The following DPP10 variants were observed in gnomAD, a reference collection of about 807,000 sequenced individuals.
DPP10 encodes the protein dipeptidyl peptidase like 10.
Under a neutral mutation model 120.9 loss-of-function variants are expected in DPP10, and 33 were observed. That is an observed-to-expected ratio of 0.27 (90% confidence interval 0.21 to 0.37). The LOEUF is 0.37. Among genes scored for constraint, DPP10 ranks in the 10% least tolerant of loss-of-function variants. DPP10 has a pLI of 1.00. For synonymous variants in DPP10, 337 were observed against 326.1 expected (o/e 1.03, Z -0.36); for missense variants, 816 against 942.8 (o/e 0.87, Z 1.76).
intron 1 of DPP10, among the ~76,000 whole-genome samples, chr2:114,502,775 C>T (rs990938211): frequency 3.3e-5 from 5 of 152,162 alleles, no homozygotes; most frequent in African/African-American, 1.2e-4. Flanking sequence ...TTCAGACATC[C>T]TTGGGAGGGT....
intron 1 of DPP10, among the ~76,000 whole-genome samples, chr2:114,445,913 C>A (rs1477363230): frequency 6.6e-6 from 1 of 152,106 alleles, no homozygotes; most frequent in East Asian, 1.9e-4. Flanking sequence ...GGGTGAAATG[C>A]TGAATGCAAT....
At chr2:114,641,931 C>A (rs1427797353) in intron 1 of DPP10, among the ~76,000 whole-genome samples, 1 of 151,826 alleles carries the variant, frequency 6.6e-6, no homozygotes, top group Non-Finnish European at 1.5e-5. Flanking sequence ...CGTGACAAAG[C>A]AGATACACTT....
chr2:115,760,645 A>G (rs189072976), intron 11 of DPP10, among the ~76,000 whole-genome samples: 9 of 152,230 alleles, frequency 5.9e-5, no homozygotes, highest in Non-Finnish European at 1.0e-4. Context: ...GAAATGAGAT[A>G]GTTAAATCAA....
intron 1 of DPP10, among the ~76,000 whole-genome samples, chr2:114,509,798 G>T (rs529467237): frequency 6.6e-6 from 1 of 152,312 alleles, no homozygotes; most frequent in Non-Finnish European, 1.5e-5. Context: ...TGGAAATGCA[G>T]AAAGATTATA....
At chr2:114,525,352 C>T (rs778357953) in intron 1 of DPP10, among the ~76,000 whole-genome samples, 1 of 152,120 alleles carries the variant, frequency 6.6e-6, no homozygotes, top group Non-Finnish European at 1.5e-5. Flanking sequence ...ACACTTGAGT[C>T]ACACCATATA....
intron 21 of DPP10, among the ~76,000 whole-genome samples, chr2:115,826,994 G>T (rs1430849065): frequency 1.3e-5 from 2 of 151,818 alleles, no homozygotes; most frequent in Non-Finnish European, 2.9e-5. Flanking sequence ...TGTAATCATT[G>T]TTATTGTTGC....
intron 1 of DPP10, among the ~76,000 whole-genome samples, chr2:115,207,616 G>A (rs888935330): frequency 3.3e-5 from 5 of 152,052 alleles, no homozygotes; most frequent in East Asian, 1.9e-4. Context: ...CTTTTCAAAC[G>A]CAAGAGAGCA....
intron 1 of DPP10, among the ~76,000 whole-genome samples, chr2:115,152,521 C>T (rs537185579): frequency 1.3e-5 from 2 of 152,136 alleles, no homozygotes; most frequent in African/African-American, 2.4e-5. Flanking sequence ...GACTTTTCAA[C>T]CTAAAGGAGA....
intron 1 of DPP10, among the ~76,000 whole-genome samples, chr2:114,741,044 T>TG (rs1303679051): frequency 6.6e-6 from 1 of 152,240 alleles, no homozygotes; most frequent in Non-Finnish European, 1.5e-5. Flanking sequence ...GTGGCATTTA[T>TG]GTTATTAAAA....
intron 1 of DPP10, among the ~76,000 whole-genome samples, chr2:114,764,956 A>G (rs1680583873): frequency 6.6e-6 from 1 of 152,172 alleles, no homozygotes; most frequent in South Asian, 2.1e-4. Flanking sequence ...AATATGCCAC[A>G]TATTACATAT....
chr2:115,449,202 T>A (rs903389076), intron 3 of DPP10, among the ~76,000 whole-genome samples: 1 of 152,144 alleles, frequency 6.6e-6, no homozygotes, highest in Non-Finnish European at 1.5e-5. Context: ...ATATATTTTC[T>A]AAATAAGTTA....
intron 1 of DPP10, among the ~76,000 whole-genome samples, chr2:114,446,479 A>T (rs1677952054): frequency 6.6e-6 from 1 of 152,114 alleles, no homozygotes; most frequent in Admixed American, 6.5e-5. Context: ...TACAGTACAC[A>T]ATATTTCTTT....
At chr2:114,518,909 A>C (rs888296225) in intron 1 of DPP10, among the ~76,000 whole-genome samples, 7 of 152,110 alleles carry the variant, frequency 4.6e-5, no homozygotes, top group Non-Finnish European at 8.8e-5. Context: ...TATTACTCAG[A>C]GGCTGGGTAG....
chr2:115,289,966 G>A (rs1453260487), intron 1 of DPP10, among the ~76,000 whole-genome samples: 1 of 152,024 alleles, frequency 6.6e-6, no homozygotes, highest in East Asian at 1.9e-4. Context: ...GACCCCAAAA[G>A]CAAATGCAAC....
chr2:115,537,756 C>T (rs994230719), intron 5 of DPP10, among the ~76,000 whole-genome samples: 1 of 151,898 alleles, frequency 6.6e-6, no homozygotes, highest in African/African-American at 2.4e-5. Flanking sequence ...TTCTGCAGAT[C>T]AGGGTTTCTA....
At chr2:115,613,912 A>T (rs2149259264) in intron 5 of DPP10, among the ~76,000 whole-genome samples, 1 of 152,266 alleles carries the variant, frequency 6.6e-6, no homozygotes, top group African/African-American at 2.4e-5. Flanking sequence ...AGCACTGGAG[A>T]ATACTTAACT....
At chr2:114,567,533 T>C (rs1689296187) in intron 1 of DPP10, among the ~76,000 whole-genome samples, 1 of 152,182 alleles carries the variant, frequency 6.6e-6, no homozygotes, top group Admixed American at 6.5e-5. Context: ...ATGAGGCATC[T>C]AGAAGCTGGA....
In DPP10 at chr2:114,655,190, T is replaced by C. The variant is rs570259109; in HGVS notation, c.60+212352T>C. On this transcript the variant is annotated intron_variant, in intron 1 of 25. Coordinates refer to ENST00000410059, the MANE Select transcript of DPP10 (RefSeq NM_020868.6). ...AAATGTTGGTTGCTATTATGATTGG[T>C]ATTCTTTAAAAAGTGCTATTACTTG... Among the ~76,000 whole-genome samples the C allele has an allele frequency of 7.2e-5, 11 of 152,318 alleles. No individual in the cohort carries two copies. The East Asian group carries it at 2.1e-3, about 29-fold the overall frequency.
intron 5 of DPP10, among the ~76,000 whole-genome samples, chr2:115,529,912 T>C (rs1298369212): frequency 4.6e-5 from 7 of 152,282 alleles, no homozygotes; most frequent in Admixed American, 2.6e-4. Context: ...CTTTGTGTAA[T>C]TTAGGTTTAT....
Sources: allele counts gnomAD v4.1 joint callset (sites outside exome capture counted in the v4.1 genomes callset), GRCh38; gene constraint gnomAD v4.1.1; transcripts MANE v1.5; gene names NCBI Gene and HGNC (gene_info 2026-07-23, HGNC 2026-07-21).